CACNA2D4: variants seen among roughly 807,000 people sequenced by gnomAD.
CACNA2D4 encodes the protein calcium voltage-gated channel auxiliary subunit alpha2delta 4.
CACNA2D4 carries 157 observed loss-of-function variants against 163.8 expected under a neutral mutation model. The observed-to-expected ratio is 0.96, with a 90% CI of 0.84 to 1.09. The LOEUF (loss-of-function observed/expected upper bound fraction) is 1.09. Among genes scored for constraint, CACNA2D4 ranks in the 50% least tolerant of loss-of-function variants. The pLI is 0.00. For synonymous variants in CACNA2D4, 598 were observed against 586.9 expected (o/e 1.02, Z -0.27); for missense variants, 1,410 against 1,479.9 (o/e 0.95, Z 0.78).
chr12:1,803,586 C>T (rs1863412114), intron 29 of CACNA2D4, among the ~76,000 whole-genome samples: 1 of 152,168 alleles, frequency 6.6e-6, no homozygotes, highest in African/African-American at 2.4e-5. Context: ...ACTAAAAATG[C>T]ATGGCAAATT....
At chr12:1,854,173 T>G in intron 22 of CACNA2D4, 129 bp from the exon 23 acceptor site, 12 of 624,978 alleles carry the variant, frequency 1.9e-5, no homozygotes, top group East Asian at 6.1e-5. Flanking sequence ...AAACTATCTC[T>G]GTGAGCTTGA....
intron 2 of CACNA2D4, among the ~76,000 whole-genome samples, chr12:1,914,557 C>T (rs184674208): frequency 6.6e-6 from 1 of 152,162 alleles, no homozygotes; most frequent in East Asian, 1.9e-4. Context: ...CCACTCCCTC[C>T]GTCTCTCCTT....
At chr12:1,868,906 T>G (rs951006651) in intron 18 of CACNA2D4, among the ~76,000 whole-genome samples, 1 of 152,178 alleles carries the variant, frequency 6.6e-6, no homozygotes, top group African/African-American at 2.4e-5. Context: ...TACACTGTAT[T>G]AGGTTTTATA....
At chr12:1,889,220 C>A (rs545103422) in intron 6 of CACNA2D4, among the ~76,000 whole-genome samples, 6 of 152,314 alleles carry the variant, frequency 3.9e-5, no homozygotes, top group East Asian at 1.9e-4. Flanking sequence ...TGTAAAGGAA[C>A]TTCTGGAGGA....
rs867870789 is a variant in CACNA2D4 at position 1,827,185 on chromosome 12, C to A, written c.2551+13554G>T. 4.0e-5 allele frequency among the ~76,000 whole-genome samples: 6 copies of A among 151,304 alleles called. No individual in the cohort carries two copies. The South Asian group carries it at 6.3e-4, about 16-fold the overall frequency. On this transcript the variant is annotated intron_variant, in intron 26 of 37. Coordinates refer to ENST00000382722, the MANE Select transcript of CACNA2D4 (RefSeq NM_172364.5). ...AGGTAAACACATGCCAGTCCCCTGTCCCCCTCTCTGATGGGCTGGCAGCCT... is the reference window on the plus strand; with the variant it reads ...AGGTAAACACATGCCAGTCCCCTGTACCCCTCTCTGATGGGCTGGCAGCCT...
At position 1,799,710 on chromosome 12, in the gene CACNA2D4, A is replaced by C; in HGVS notation, c.2975-15T>G. 6.4e-7 allele frequency: 1 copy of C among 1,568,478 alleles called. No homozygotes were observed. Among genetic ancestry groups the C allele is most frequent in the Non-Finnish European group, 8.6e-7 (1 of 1,157,014 alleles). ...GACACTTTTGGCTGGCCGGAACATA[A>C]GCCCAGCACAGGGTGGACACGGCAC... On this transcript the variant is annotated splice_polypyrimidine_tract_variant and intron_variant, in intron 33 of 37. Coordinates refer to ENST00000382722, the MANE Select transcript of CACNA2D4 (RefSeq NM_172364.5). The surrounding 1 kb of genome is among the most constrained non-coding windows in gnomAD (Gnocchi z 4.7).
In CACNA2D4 at chr12:1,882,976, A is replaced by G; in HGVS notation, c.1376T>C (p.Leu459Pro). The G allele has an allele frequency of 6.2e-7, 1 of 1,613,150 alleles. No homozygotes were observed. Among genetic ancestry groups the G allele is most frequent in the East Asian group, 2.2e-5 (1 of 44,852 alleles). ...CATCACGTTCTCCTGGGTGTCCGCC[A>G]GCGTTGAGATCTGCGTGTAGTAGCC... is the stretch of plus-strand genomic sequence containing the variant. ...NKGYYTQIST[L>P]ADTQENVMEY... Residue 459 changes from leucine to proline, a missense_variant, in exon 13 of 38, where the codon CTG becomes CCG. Physicochemically the swap from Leu to Pro is moderately conservative, Grantham distance 98. Transcript: ENST00000382722.
intron 26 of CACNA2D4, chr12:1,823,346 G>T (rs1269390942): frequency 6.6e-6 from 1 of 152,250 alleles, no homozygotes; most frequent in Non-Finnish European, 1.5e-5. Flanking sequence ...AGGAGAAATG[G>T]AAGGGGCAGG....
At chr12:1,809,226 C>T (rs965603912) in intron 29 of CACNA2D4, among the ~76,000 whole-genome samples, 4 of 152,212 alleles carry the variant, frequency 2.6e-5, no homozygotes, top group Admixed American at 6.5e-5. Context: ...AGCCGCATCC[C>T]GGTCAGGCCA....
intron 19 of CACNA2D4, among the ~76,000 whole-genome samples, 163 bp downstream of exon 19, chr12:1,859,982 G>T (rs1390539167): frequency 6.6e-6 from 1 of 152,200 alleles, no homozygotes; most frequent in African/African-American, 2.4e-5. Flanking sequence ...TTTGGCTCTG[G>T]AACCTGCATT....
In CACNA2D4 at chr12:1,874,777, T is replaced by C; in HGVS notation, c.1807-102A>G. 1 of 860,032 alleles carries C rather than the reference T, an allele frequency of 1.2e-6. No homozygotes were observed. Among genetic ancestry groups the C allele is most frequent in the Non-Finnish European group, 2.0e-6 (1 of 511,022 alleles). 53.3% of individuals were successfully genotyped at this position (860,032 alleles called of 1,614,324 possible). A position where few individuals can be genotyped will look rare whatever the true frequency, so the allele number is the denominator to read the frequency against. On this transcript the variant is annotated intron_variant, in intron 17 of 37. Transcript: ENST00000382722. This position sits in a 1 kb window ranked among gnomAD's most constrained non-coding sequence, Gnocchi z 4.4. ...TTAGAGGTGATCCCCAGAAACACTT[T>C]TGGTTCTTCCCTTTTTCCTCTGAGA...
chr12:1,850,999 CAGCTGAGT>C (rs1360759292), intron 23 of CACNA2D4, among the ~76,000 whole-genome samples: 2 of 152,194 alleles, frequency 1.3e-5, no homozygotes, highest in African/African-American at 4.8e-5. Context: ...CCTCCCTGAG[CAGCTGAGT>C]AGCTGGGACT....
At chr12:1,810,463 G>A (rs1863669248) in intron 28 of CACNA2D4, 80 bp downstream of exon 28, 1 of 1,520,826 alleles carries the variant, frequency 6.6e-7, no homozygotes, top group Non-Finnish European at 9.0e-7. Context: ...GCATTTGGGA[G>A]AGGGAAGCTG....
chr12:1,813,462 C>CTGA (rs1863777053), intron 26 of CACNA2D4, among the ~76,000 whole-genome samples: 1 of 152,210 alleles, frequency 6.6e-6, no homozygotes, highest in Non-Finnish European at 1.5e-5. Context: ...AACAGCCACA[C>CTGA]GTGGCTACTG....
intron 29 of CACNA2D4, among the ~76,000 whole-genome samples, chr12:1,805,614 T>C (rs1863507986): frequency 6.6e-6 from 1 of 152,172 alleles, no homozygotes; most frequent in African/African-American, 2.4e-5. Context: ...CAGGGGTGCC[T>C]GGGAGGTACG....
In CACNA2D4 at chr12:1,795,778, A is replaced by G; in HGVS notation, c.3116T>C (p.Val1039Ala). Residue 1039 changes from valine to alanine, a missense_variant and splice_region_variant, in exon 36 of 38, where the codon GTA becomes GCA. Val to Ala is a moderately conservative substitution (Grantham distance 64). Transcript: ENST00000382722. ...GTTGGGAATCTGCTGCACCACAAAT[A>G]CCCTGCAGCAAAGAAAGGGAGTCGA... ...GIVECGPCQK[V>A]FVVQQIPNSN... is the part of the protein sequence containing the mutation. 1 of 1,593,020 alleles carries G rather than the reference A, an allele frequency of 6.3e-7. No homozygotes were observed. The highest frequency in any genetic ancestry group is 8.6e-7 in the Non-Finnish European group (1 of 1,161,040).
chr12:1,839,026 C>T (rs745860550), intron 26 of CACNA2D4, among the ~76,000 whole-genome samples: 10 of 152,204 alleles, frequency 6.6e-5, no homozygotes, highest in South Asian at 2.1e-4. Flanking sequence ...CAATGTCAGA[C>T]GGAGCCATTC....
In CACNA2D4 at chr12:1,878,485, T is replaced by C; in HGVS notation, c.1645-96A>G. On this transcript the variant is annotated intron_variant, in intron 15 of 37. Transcript: ENST00000382722. The surrounding 1 kb of genome is among the most constrained non-coding windows in gnomAD (Gnocchi z 4.6). The stretch of plus-strand genomic sequence containing the variant: ...TTGGGGGCCACAGGACGGTCAAAGA[T>C]GGCAGCTCACAGCAGTGAGTGTTTT... The C allele has an allele frequency of 6.5e-7, 1 of 1,548,560 alleles. No individual in the cohort carries two copies. The highest frequency in any genetic ancestry group is 8.7e-7 in the Non-Finnish European group (1 of 1,146,888).
intron 26 of CACNA2D4, among the ~76,000 whole-genome samples, chr12:1,816,414 G>A (rs2154446089): frequency 6.6e-6 from 1 of 152,118 alleles, no homozygotes; most frequent in Middle Eastern, 3.4e-3. Context: ...TGACCTGAAA[G>A]AGGAGGACAA....
Sources: gnomAD v4.1 joint callset for allele counts (sites outside exome capture counted in the v4.1 genomes callset) on GRCh38, gnomAD v4.1.1 for gene constraint, Gnocchi (gnomAD v3.1) non-coding constraint, MANE v1.5 for transcripts, NCBI Gene and HGNC (gene_info 2026-07-23, HGNC 2026-07-21) for gene names.